The following DPP10 variants were observed in gnomAD, a reference collection of about 807,000 sequenced individuals.
DPP10 encodes the protein dipeptidyl peptidase like 10.
A neutral mutation model predicts 120.9 loss-of-function variants in DPP10; 33 were observed. That is an observed-to-expected ratio of 0.27 (90% CI 0.21 to 0.37). DPP10 has a LOEUF of 0.37. Ranked by LOEUF, DPP10 falls within the 10% of genes least tolerant of loss-of-function variation. The pLI, the probability that DPP10 is intolerant of heterozygous loss-of-function variation, is 1.00. For synonymous variants in DPP10, 337 were observed against 326.1 expected (o/e 1.03, Z -0.36); for missense variants, 816 against 942.8 (o/e 0.87, Z 1.76).
intron 24 of DPP10, among the ~76,000 whole-genome samples, chr2:115,838,480 T>C (rs1181057209): frequency 6.6e-6 from 1 of 152,114 alleles, no homozygotes; most frequent in Non-Finnish European, 1.5e-5. Context: ...GTAGACACAA[T>C]TGATTAGTAG....
intron 3 of DPP10, among the ~76,000 whole-genome samples, chr2:115,411,205 G>A (rs986752639): frequency 7.9e-5 from 12 of 152,178 alleles, no homozygotes; most frequent in Admixed American, 7.8e-4. Flanking sequence ...GGTGGCGCAT[G>A]CCTGTAGTCT....
chr2:115,683,906 A>G (rs1332627842), intron 5 of DPP10, among the ~76,000 whole-genome samples: 1 of 151,816 alleles, frequency 6.6e-6, no homozygotes, highest in Non-Finnish European at 1.5e-5. Context: ...CTTAGTTCCA[A>G]TTCTAGTTAT....
rs548232370 is a variant in DPP10, at chr2:115,787,913, A to G, written c.1532-3168A>G. On this transcript the variant is annotated intron_variant, in intron 17 of 25. Transcript: ENST00000410059. ...TCAGAAAAAAGCAAACTGGAAGACA[A>G]TAGAACAAAATGCTGCAAATGCTGA... Among the ~76,000 whole-genome samples the G allele has an allele frequency of 7.4e-4, 113 of 152,280 alleles. 2 individuals carry two copies. Among genetic ancestry groups the G allele is most frequent in the Admixed American group, 6.1e-3 (93 of 15,302 alleles).
chr2:115,293,077 A>AAT (rs1559376741), intron 1 of DPP10, among the ~76,000 whole-genome samples: 1 of 152,070 alleles, frequency 6.6e-6, no homozygotes. Flanking sequence ...TCTCTAGGGT[A>AAT]CAGATTCACA....
At chr2:114,811,003 T>C (rs1685125558) in intron 1 of DPP10, among the ~76,000 whole-genome samples, 1 of 152,158 alleles carries the variant, frequency 6.6e-6, no homozygotes, top group South Asian at 2.1e-4. Context: ...ACCTGTTATA[T>C]CTTTCTCATC....
chr2:115,511,731 C>CTTCTTCTTTT, intron 4 of DPP10, among the ~76,000 whole-genome samples: 1 of 82,612 alleles, frequency 1.2e-5, no homozygotes, highest in African/African-American at 6.0e-5. Context: ...TCTTCTTCTT[C>CTTCTTCTTTT]TTTTTTTTTT....
chr2:115,699,052 A>AAAAAAAAAAAAAAAAAC lies in DPP10; in HGVS notation c.576+9131_576+9132insAAAAAAAAAAAAAAAAC. Among the ~76,000 whole-genome samples, 2 of 143,154 alleles carry AAAAAAAAAAAAAAAAAC rather than the reference A, an allele frequency of 1.4e-5. 1 individual carries two copies. The highest frequency in any genetic ancestry group is 5.1e-5 in the African/African-American group (2 of 39,444). The allele number at this position is 143,154 out of a possible 152,430, so 93.9% of individuals were successfully genotyped here. On this transcript the variant is annotated intron_variant, in intron 7 of 25. Coordinates refer to ENST00000410059, the MANE Select transcript of DPP10 (RefSeq NM_020868.6). ...AAAAAAAAACAAAAAAAAAAAAACAAGAGAAGACTCAAATTCCTAAAATCA... is the reference window on the plus strand; with the variant it reads ...AAAAAAAAACAAAAAAAAAAAAACAAAAAAAAAAAAAAAAAACGAGAAGACTCAAATTCCTAAAATCA...
At chr2:114,456,090 C>A (rs55950259) in intron 1 of DPP10, among the ~76,000 whole-genome samples, 1 of 152,230 alleles carries the variant, frequency 6.6e-6, no homozygotes, top group East Asian at 1.9e-4. Context: ...CAAAGTCTCA[C>A]GTTTTCATGG....
intron 1 of DPP10, among the ~76,000 whole-genome samples, chr2:114,573,731 C>T (rs912938244): frequency 1.3e-5 from 2 of 152,138 alleles, no homozygotes; most frequent in Non-Finnish European, 2.9e-5. Context: ...AGAAAACACT[C>T]ACATATGGAA....
At position 114,722,439 on chromosome 2, in the gene DPP10, G is replaced by A. The variant is rs116631428; in HGVS notation, c.60+279601G>A. 8.5e-3 allele frequency among the ~76,000 whole-genome samples: 1,288 copies of A among 151,572 alleles called. 19 individuals are homozygous for A. The highest frequency in any genetic ancestry group is 0.03 in the African/African-American group (1,229 of 41,348). On this transcript the variant is annotated intron_variant, in intron 1 of 25. Coordinates refer to ENST00000410059, the MANE Select transcript of DPP10 (RefSeq NM_020868.6). ...GAGAATCTAAAGTTTTTTTTTGATT[G>A]TTCAATAGTTAGTATCCAAACCATT...
chr2:115,112,788 G>C (rs903432115), intron 1 of DPP10, among the ~76,000 whole-genome samples: 14 of 152,258 alleles, frequency 9.2e-5, no homozygotes, highest in Admixed American at 7.2e-4. Context: ...TGTACAATTT[G>C]GCGACTATAG....
intron 5 of DPP10, among the ~76,000 whole-genome samples, chr2:115,617,627 A>T (rs1013369113): frequency 6.6e-6 from 1 of 152,002 alleles, no homozygotes; most frequent in Non-Finnish European, 1.5e-5. Flanking sequence ...TTAGGACATT[A>T]ACATACTGTC....
In DPP10 at chr2:115,215,236, T is replaced by C. The variant is rs183476401; in HGVS notation, c.61-94003T>C. On this transcript the variant is annotated intron_variant, in intron 1 of 25. Transcript: ENST00000410059. ...TTATGTGGTTTCAAAGCATAACTTA[T>C]GATATTTGTCCAAATGAAGAAATAT... Among the ~76,000 whole-genome samples the C allele has an allele frequency of 9.8e-5, 15 of 152,318 alleles. No homozygotes were observed. The East Asian group carries it at 2.1e-3, about 22-fold the overall frequency.
intron 1 of DPP10, chr2:115,161,767 A>C: frequency 2.1e-6 from 1 of 486,942 alleles, no homozygotes; most frequent in Non-Finnish European, 3.4e-6. Context: ...TGGCCGAGGG[A>C]GGGACCCTAC....
chr2:115,740,995 G>T (rs779937228), intron 9 of DPP10, among the ~76,000 whole-genome samples: 1 of 152,008 alleles, frequency 6.6e-6, no homozygotes, highest in African/African-American at 2.4e-5. Context: ...TTTAATTCAT[G>T]CACTACATTA....
At chr2:115,010,500 G>T (rs1702185874) in intron 1 of DPP10, among the ~76,000 whole-genome samples, 1 of 151,996 alleles carries the variant, frequency 6.6e-6, no homozygotes, top group Non-Finnish European at 1.5e-5. Context: ...TATCTAATAT[G>T]AATGAATGGA....
chr2:114,775,157 G>T (rs998292236), intron 1 of DPP10, among the ~76,000 whole-genome samples: 6 of 152,080 alleles, frequency 3.9e-5, no homozygotes, highest in African/African-American at 1.4e-4. Context: ...AATTATATCT[G>T]CAAAATCTTG....
intron 7 of DPP10, among the ~76,000 whole-genome samples, chr2:115,698,042 A>G (rs1457810799): frequency 3.3e-5 from 5 of 152,188 alleles, no homozygotes; most frequent in Admixed American, 1.3e-4. Context: ...AGATGTATAC[A>G]GAACACTCAA....
chr2:114,612,607 A>G lies in DPP10; in HGVS notation c.60+169769A>G, dbSNP rs537353061. On this transcript the variant is annotated intron_variant, in intron 1 of 25. Transcript: ENST00000410059. ...ATCCTAAACCTCATTATTCTATGGT[A>G]TCTATTGACAGCGTATGAATGAGTC... Among the ~76,000 whole-genome samples, 14 of 152,274 alleles carry G rather than the reference A, an allele frequency of 9.2e-5. 1 individual carries two copies. In the South Asian group the frequency reaches 1.0e-3, roughly 11 times the overall value.
Sources: gnomAD v4.1 joint callset for allele counts (sites outside exome capture counted in the v4.1 genomes callset) on GRCh38, gnomAD v4.1.1 for gene constraint, MANE v1.5 for transcripts, NCBI Gene and HGNC (gene_info 2026-07-23, HGNC 2026-07-21) for gene names.